The following SVEP1 variants were observed in gnomAD, a reference collection of about 807,000 sequenced individuals.
The protein encoded by SVEP1 is sushi, von Willebrand factor type A, EGF and pentraxin domain containing 1.
Under a neutral mutation model 367.3 loss-of-function variants are expected in SVEP1, and 164 were observed. The ratio of observed to expected loss-of-function variants is 0.45; its 90% CI spans 0.39 to 0.51. The LOEUF (loss-of-function observed/expected upper bound fraction) is 0.51, where lower values mean the gene tolerates loss of function less well. SVEP1 is among the 20% of genes least tolerant of loss of function. SVEP1 has a pLI of 0.00. For missense variants in SVEP1, 4,117 were observed against 4,425.3 expected (o/e 0.93, Z 1.98); for synonymous variants, 1,666 against 1,611.6 (o/e 1.03, Z -0.81).
chr9:110,442,378 G>A (rs966874372), intron 27 of SVEP1: 2 of 152,054 alleles, frequency 1.3e-5, no homozygotes, highest in African/African-American at 4.8e-5. Flanking sequence ...ACATTCACAA[G>A]TAGATCAATT....
chr9:110,390,807 A>G (rs1426366243), intron 40 of SVEP1, among the ~76,000 whole-genome samples: 1 of 152,180 alleles, frequency 6.6e-6, no homozygotes, highest in Non-Finnish European at 1.5e-5. Flanking sequence ...CATTAAAAAA[A>G]AATCCTGTCT....
At chr9:110,385,791 A>G in intron 43 of SVEP1, 107 bp downstream of exon 43, 1 of 1,164,678 alleles carries the variant, frequency 8.6e-7, no homozygotes, top group Non-Finnish European at 1.2e-6. Context: ...GTGATAGCAC[A>G]GAGATCTAAG....
intron 27 of SVEP1, among the ~76,000 whole-genome samples, chr9:110,440,936 G>A (rs1378996508): frequency 8.5e-6 from 1 of 118,260 alleles, no homozygotes; most frequent in Non-Finnish European, 2.1e-5. Flanking sequence ...AATTAAAAGA[G>A]TTAGGCCATA....
chr9:110,481,093 A>G, intron 12 of SVEP1, 149 bp downstream of exon 12: 2 of 547,688 alleles, frequency 3.7e-6, no homozygotes, highest in Non-Finnish European at 5.9e-6. Context: ...TAAATCCAGG[A>G]AAGAGTAATT....
intron 24 of SVEP1, among the ~76,000 whole-genome samples, chr9:110,448,315 T>C (rs1481102517): frequency 6.6e-6 from 1 of 152,268 alleles, no homozygotes; most frequent in Admixed American, 6.5e-5. Flanking sequence ...ACTTTTATTA[T>C]TGTAATTTTC....
chr9:110,503,050 G>C lies in SVEP1; in HGVS notation c.1471C>G (p.Pro491Ala), dbSNP rs1829562086. The change falls in exon 6 of 48, where the codon CCC becomes GCC. Residue 491 changes from proline (P) to alanine (A), a missense_variant. Coordinates refer to ENST00000374469, the MANE Select transcript of SVEP1 (RefSeq NM_153366.4). ...TCTAGAAACTTACCCACACACCGGG[G>C]TTCTGGCCCATCCCACTGGCTGTTT... ...QGNSQWDGPE[P>A]RCVERHCSTF... The C allele has an allele frequency of 6.2e-7, 1 of 1,605,770 alleles. No individual in the cohort carries two copies. The highest frequency in any genetic ancestry group is 8.5e-7 in the Non-Finnish European group (1 of 1,173,934).
intron 42 of SVEP1, among the ~76,000 whole-genome samples, chr9:110,386,555 A>C (rs553374368): frequency 1.8e-4 from 27 of 152,224 alleles, no homozygotes; most frequent in Non-Finnish European, 3.5e-4. Context: ...GCTGAATGTG[A>C]CTTTAGACTC....
At position 110,451,347 on chromosome 9, in the gene SVEP1, T is replaced by C; in HGVS notation, c.3843A>G (p.Lys1281=). 6.2e-7 allele frequency: 1 copy of C among 1,613,838 alleles called. No homozygotes were observed. Among genetic ancestry groups the C allele is most frequent in the African/African-American group, 1.3e-5 (1 of 75,060 alleles). ...CAGCCACACCATCAACACAGATTCC[T>C]TTATTTAAACAAGGACTGGAGCTAC... ...NECSSSPCLN[K]GICVDGVAGY... Residue 1281 remains lysine, a synonymous_variant, in exon 23 of 48, where the codon AAA becomes AAG. Coordinates refer to ENST00000374469, the MANE Select transcript of SVEP1 (RefSeq NM_153366.4).
At chr9:110,502,887 T>G in intron 6 of SVEP1, 151 bp downstream of exon 6, 2 of 688,396 alleles carry the variant, frequency 2.9e-6, no homozygotes, top group Non-Finnish European at 4.5e-6. Flanking sequence ...ACACATCTGT[T>G]TTTGTATCTG....
intron 41 of SVEP1, among the ~76,000 whole-genome samples, chr9:110,388,195 ATAAATGACATTT>A (rs1458977438): frequency 1.3e-5 from 2 of 152,200 alleles, no homozygotes; most frequent in African/African-American, 4.8e-5. Flanking sequence ...GGGGAATAGA[ATAAATGACATTT>A]TATATGGCTT....
In SVEP1 at chr9:110,572,056, TC is replaced by T. The variant is rs538306859; in HGVS notation, c.531+6956del. ...CAGTTTAGCAACACTGGACATGGAA[TC>T]CCCTACTTCTCCTTAGCTTTTGATA... is the stretch of plus-strand genomic sequence containing the variant. On this transcript the variant is annotated intron_variant, in intron 1 of 47. Transcript: ENST00000374469. Among the ~76,000 whole-genome samples the T allele has an allele frequency of 5.1e-3, 772 of 152,326 alleles. 9 individuals are homozygous for T. Among genetic ancestry groups the T allele is most frequent in the African/African-American group, 0.017 (720 of 41,566 alleles).
chr9:110,492,495 A>G (rs891085863), intron 8 of SVEP1, among the ~76,000 whole-genome samples: 33 of 152,084 alleles, frequency 2.2e-4, no homozygotes, highest in African/African-American at 7.2e-4. Context: ...GCATGTTTTT[A>G]AAACTTTATT....
Position 110,369,912 on chromosome 9 carries a change from G to T in SVEP1, c.10694+11C>A, listed in dbSNP as rs1187912182. On this transcript the variant is annotated intron_variant, in intron 47 of 47. Coordinates refer to ENST00000374469, the MANE Select transcript of SVEP1 (RefSeq NM_153366.4). ...ATGTTATAGGCGAACATTAGTTTTT[G>T]GTTATCTTACCTGGAACAGTTATGT... 1.2e-6 allele frequency: 2 copies of T among 1,606,520 alleles called. No individual in the cohort carries two copies. Among genetic ancestry groups the T allele is most frequent in the African/African-American group, 1.3e-5 (1 of 74,762 alleles).
At chr9:110,560,056 T>A (rs888365991) in intron 1 of SVEP1, among the ~76,000 whole-genome samples, 1 of 152,156 alleles carries the variant, frequency 6.6e-6, no homozygotes, top group Admixed American at 6.6e-5. Flanking sequence ...TACCACATAA[T>A]GATGTTTTGG....
chr9:110,485,965 G>T (rs1389856795), intron 9 of SVEP1, among the ~76,000 whole-genome samples: 3 of 152,118 alleles, frequency 2.0e-5, no homozygotes, highest in Non-Finnish European at 4.4e-5. Flanking sequence ...CAGACCTTAG[G>T]TTTATTATTT....
chr9:110,439,835 C>T lies in SVEP1; in HGVS notation c.4640-3331G>A, dbSNP rs117211791. Among the ~76,000 whole-genome samples the T allele has an allele frequency of 6.8e-3, 1,035 of 152,272 alleles. 4 individuals carry two copies. Among genetic ancestry groups the T allele is most frequent in the Non-Finnish European group, 0.012 (785 of 68,022 alleles). ...TCAAACATCCTGGCCATCCTTATGCCTCTGGTCAGCAAGCTATTTCCTTAG... is the reference window on the plus strand; with the variant it reads ...TCAAACATCCTGGCCATCCTTATGCTTCTGGTCAGCAAGCTATTTCCTTAG... On this transcript the variant is annotated intron_variant, in intron 27 of 47. Coordinates refer to ENST00000374469, the MANE Select transcript of SVEP1 (RefSeq NM_153366.4).
chr9:110,495,588 T>C (rs183118926), intron 8 of SVEP1, among the ~76,000 whole-genome samples: 1 of 152,276 alleles, frequency 6.6e-6, no homozygotes, highest in East Asian at 1.9e-4. Context: ...GAACAGCTAT[T>C]TTTTCTATGT....
intron 47 of SVEP1, chr9:110,369,455 A>AACTT (rs1827244661): frequency 6.6e-6 from 1 of 152,424 alleles, no homozygotes; most frequent in South Asian, 2.1e-4. Flanking sequence ...TGTAATGAAG[A>AACTT]ACTTAAACAT....
intron 18 of SVEP1, among the ~76,000 whole-genome samples, chr9:110,463,634 AAAAG>A (rs199795555): frequency 0.12 from 18,162 of 149,198 alleles, 1,475 homozygotes; most frequent in South Asian, 0.22. Flanking sequence ...GAAAGGAAGA[AAAAG>A]AAAGAAAGAA....
Sources: gnomAD v4.1 joint callset for allele counts (sites outside exome capture counted in the v4.1 genomes callset) on GRCh38, gnomAD v4.1.1 for gene constraint, MANE v1.5 for transcripts, NCBI Gene and HGNC (gene_info 2026-07-23, HGNC 2026-07-21) for gene names.